Variants in CAMK1D observed in about 807,000 individuals in gnomAD.
The protein encoded by CAMK1D is calcium/calmodulin dependent protein kinase ID.
Under a neutral mutation model 47.7 loss-of-function variants are expected in CAMK1D, and 9 were observed. The observed-to-expected ratio is 0.19, with a 90% CI of 0.11 to 0.33. The LOEUF (loss-of-function observed/expected upper bound fraction) is 0.33. Ranked by LOEUF, CAMK1D falls within the 10% of genes least tolerant of loss-of-function variation. CAMK1D has a pLI of 1.00. For synonymous variants in CAMK1D, 184 were observed against 184.9 expected (o/e 0.99, Z 0.04); for missense variants, 291 against 488.7 (o/e 0.60, Z 3.81).
At chr10:12,564,528 A>T (rs1222344846) in intron 2 of CAMK1D, among the ~76,000 whole-genome samples, 1 of 152,152 alleles carries the variant, frequency 6.6e-6, no homozygotes, top group Non-Finnish European at 1.5e-5. Flanking sequence ...TACTGTTTTT[A>T]AGCTATATAA....
At chr10:12,695,817 G>A (rs1247888420) in intron 3 of CAMK1D, among the ~76,000 whole-genome samples, 2 of 152,116 alleles carry the variant, frequency 1.3e-5, no homozygotes, top group Non-Finnish European at 2.9e-5. Context: ...GGGGACTCAC[G>A]CCTGTAATCC....
intron 1 of CAMK1D, among the ~76,000 whole-genome samples, chr10:12,411,340 A>G (rs988396215): frequency 1.3e-5 from 2 of 152,170 alleles, no homozygotes; most frequent in Admixed American, 1.3e-4. Flanking sequence ...GCGGATCCAC[A>G]TTGGTTCCCA....
chr10:12,734,335 AAAAAAAAAAAATATATATATATAT>A, intron 3 of CAMK1D, among the ~76,000 whole-genome samples: 1 of 43,420 alleles, frequency 2.3e-5, no homozygotes, highest in Non-Finnish European at 4.0e-5. Context: ...AAAAAAAAAA[AAAAAAAAAAAATATATATATATAT>A]ATATATATAT....
chr10:12,749,930 A>G (rs1327885722), intron 3 of CAMK1D, among the ~76,000 whole-genome samples: 2 of 152,126 alleles, frequency 1.3e-5, no homozygotes, highest in African/African-American at 2.4e-5. Context: ...CACCATAGCC[A>G]TGAGTAGAGG....
intron 3 of CAMK1D, among the ~76,000 whole-genome samples, chr10:12,713,079 T>C (rs1833995471): frequency 6.6e-6 from 1 of 150,606 alleles, no homozygotes; most frequent in South Asian, 2.1e-4. Flanking sequence ...GTGCCTCCCT[T>C]TTTTTTTTGG....
chr10:12,420,209 C>G (rs766735664), intron 1 of CAMK1D, among the ~76,000 whole-genome samples: 1 of 152,194 alleles, frequency 6.6e-6, no homozygotes, highest in Non-Finnish European at 1.5e-5. Flanking sequence ...CTGTCCGTCT[C>G]GGCCTCCCAA....
intron 2 of CAMK1D, among the ~76,000 whole-genome samples, chr10:12,646,411 A>G (rs1839812349): frequency 6.6e-6 from 1 of 152,196 alleles, no homozygotes; most frequent in Non-Finnish European, 1.5e-5. Context: ...AAAATTACTC[A>G]TCTTAAAGAA....
At chr10:12,439,806 T>C (rs1380542750) in intron 1 of CAMK1D, among the ~76,000 whole-genome samples, 1 of 152,200 alleles carries the variant, frequency 6.6e-6, no homozygotes. Context: ...GGGTAATTTA[T>C]AGAGAAAAAG....
chr10:12,522,042 A>G (rs1417155083), intron 1 of CAMK1D, among the ~76,000 whole-genome samples: 2 of 151,742 alleles, frequency 1.3e-5, no homozygotes, highest in Non-Finnish European at 2.9e-5. Flanking sequence ...CTTTTTATTG[A>G]TGTATTTGAG....
chr10:12,737,380 G>A (rs6602615), intron 3 of CAMK1D, among the ~76,000 whole-genome samples: 143,176 of 152,182 alleles, frequency 0.94, 67,906 homozygotes, highest in Non-Finnish European at 1. Context: ...TCTGCCCAAA[G>A]TGCTGTGTCT....
chr10:12,685,935 TTGTTCCAGCACTTCCA>T (rs1381794658), intron 3 of CAMK1D, among the ~76,000 whole-genome samples: 1 of 152,184 alleles, frequency 6.6e-6, no homozygotes, highest in Non-Finnish European at 1.5e-5. Context: ...ACATCTTACT[TTGTTCCAGCACTTCCA>T]GACTACAGCT....
intron 1 of CAMK1D, among the ~76,000 whole-genome samples, chr10:12,452,502 A>G (rs1030180407): frequency 6.6e-6 from 1 of 151,896 alleles, no homozygotes; most frequent in East Asian, 1.9e-4. Flanking sequence ...ATTTATTTGT[A>G]TATGTATTTG....
intron 1 of CAMK1D, among the ~76,000 whole-genome samples, chr10:12,417,919 A>G (rs1480917859): frequency 6.6e-6 from 1 of 151,666 alleles, no homozygotes; most frequent in African/African-American, 2.4e-5. Flanking sequence ...CTCCTGCCTC[A>G]GCCTCCCGAA....
chr10:12,461,163 C>G (rs1041563924), intron 1 of CAMK1D, among the ~76,000 whole-genome samples: 1 of 152,174 alleles, frequency 6.6e-6, no homozygotes, highest in Non-Finnish European at 1.5e-5. Context: ...TGAGACAACC[C>G]TGCCAGAGCA....
chr10:12,597,735 T>C (rs1447374115), intron 2 of CAMK1D, among the ~76,000 whole-genome samples: 1 of 152,170 alleles, frequency 6.6e-6, no homozygotes, highest in African/African-American at 2.4e-5. Context: ...GGGCCACCCA[T>C]AGGGCTGTCT....
Position 12,776,673 on chromosome 10 carries a change from G to A in CAMK1D, c.565+6874G>A, listed in dbSNP as rs368149274. Reference sequence around the variant, plus strand: ...ACATCGATTCACAGCCCACAGCACCGTAACTCCTGCCTGAAGGAAGCTTCT... The same window carrying A: ...ACATCGATTCACAGCCCACAGCACCATAACTCCTGCCTGAAGGAAGCTTCT... On this transcript the variant is annotated intron_variant, in intron 5 of 10. Coordinates refer to ENST00000619168, the MANE Select transcript of CAMK1D (RefSeq NM_153498.4). 1.2e-3 allele frequency among the ~76,000 whole-genome samples: 178 copies of A among 152,176 alleles called. 2 individuals carry two copies. Among genetic ancestry groups the A allele is most frequent in the African/African-American group, 3.8e-3 (158 of 41,530 alleles).
chr10:12,572,777 A>G (rs538676380), intron 2 of CAMK1D, among the ~76,000 whole-genome samples: 1 of 152,296 alleles, frequency 6.6e-6, no homozygotes, highest in East Asian at 1.9e-4. Context: ...GACTACAGGC[A>G]TGCCACCATG....
At chr10:12,404,721 GTC>G (rs1017066876) in intron 1 of CAMK1D, among the ~76,000 whole-genome samples, 1 of 150,186 alleles carries the variant, frequency 6.7e-6, no homozygotes, top group African/African-American at 2.5e-5. Context: ...TTGAGATGGA[GTC>G]TCACTCTGTC....
intron 5 of CAMK1D, among the ~76,000 whole-genome samples, chr10:12,787,728 G>A (rs1445471018): frequency 5.3e-5 from 8 of 152,240 alleles, no homozygotes; most frequent in South Asian, 2.1e-4. Context: ...GAGGCCGGGC[G>A]CGGTGGCTCA....
Sources: gnomAD v4.1 joint callset for allele counts (sites outside exome capture counted in the v4.1 genomes callset) on GRCh38, gnomAD v4.1.1 for gene constraint, MANE v1.5 for transcripts, NCBI Gene and HGNC (gene_info 2026-07-23, HGNC 2026-07-21) for gene names.